STAT4: variants seen among roughly 807,000 people sequenced by gnomAD.
STAT4 encodes the protein signal transducer and activator of transcription 4.
In STAT4, 42 loss-of-function variants were observed where a neutral mutation model predicts 110.5. The ratio of observed to expected loss-of-function variants is 0.38; its 90% confidence interval spans 0.30 to 0.49. STAT4 has a LOEUF of 0.49. Among genes scored for constraint, STAT4 ranks in the 20% least tolerant of loss-of-function variants. STAT4 has a pLI of 0.95. For missense variants in STAT4, 632 were observed against 887.9 expected (o/e 0.71, Z 3.66); for synonymous variants, 284 against 302.2 (o/e 0.94, Z 0.63).
chr2:191,051,667 C>G lies in STAT4; in HGVS notation c.1251+2823G>C, dbSNP rs894160870. On this transcript the variant is annotated intron_variant, in intron 14 of 23. Coordinates refer to ENST00000392320, the MANE Select transcript of STAT4 (RefSeq NM_003151.4). The surrounding 1 kb of genome is among the most constrained non-coding windows in gnomAD (Gnocchi z 5.6). ...GGAGCAGGTGGGTGAGGTGCAGACA[C>G]TCTGTGAGATAGATGGGGTGAGGTG... Among the ~76,000 whole-genome samples the G allele has an allele frequency of 6.6e-6, 1 of 152,172 alleles. No homozygotes were observed. The highest frequency in any genetic ancestry group is 2.4e-5 in the African/African-American group (1 of 41,436).
At chr2:191,048,679 A>T (rs1696423267) in intron 14 of STAT4, among the ~76,000 whole-genome samples, 1 of 149,400 alleles carries the variant, frequency 6.7e-6, no homozygotes, top group East Asian at 2.0e-4. Flanking sequence ...CCAGCTACTC[A>T]GGAGGCTGAG....
At chr2:191,092,792 C>A (rs1221916298) in intron 3 of STAT4, among the ~76,000 whole-genome samples, 1 of 152,154 alleles carries the variant, frequency 6.6e-6, no homozygotes, top group Non-Finnish European at 1.5e-5. Context: ...ACTTTCCTAG[C>A]CAAGGGAAGC....
At chr2:191,034,033 CA>C in intron 18 of STAT4, 28 bp from the exon 19 acceptor site, 2 of 1,429,140 alleles carry the variant, frequency 1.4e-6, no homozygotes, top group Non-Finnish European at 1.9e-6. Flanking sequence ...CACATTAAGA[CA>C]ATGATTATTT....
In STAT4 at chr2:191,150,832, G is replaced by A; in HGVS notation, c.-2+115C>T. ...TTCTATAATAAGCCTCCTCAGGAAG[G>A]TTAAAATGAAGCAATTGTCAAAACG... On this transcript the variant is annotated intron_variant, in intron 1 of 23. Transcript: ENST00000392320. This position sits in a 1 kb window ranked among gnomAD's most constrained non-coding sequence, Gnocchi z 6.4. 2.3e-6 allele frequency: 2 copies of A among 867,232 alleles called. No homozygotes were observed. The highest frequency in any genetic ancestry group is 5.3e-5 in the South Asian group (1 of 18,964). The allele number at this position is 867,232 out of a possible 1,614,324, so 53.7% of individuals were successfully genotyped here.
At chr2:191,105,397 T>C (rs1698251577) in intron 3 of STAT4, among the ~76,000 whole-genome samples, 1 of 152,216 alleles carries the variant, frequency 6.6e-6, no homozygotes, top group African/African-American at 2.4e-5. Flanking sequence ...ACACATACAG[T>C]ATGCAACCTA....
chr2:191,145,140 C>T (rs1373160970), intron 3 of STAT4, among the ~76,000 whole-genome samples: 1 of 152,042 alleles, frequency 6.6e-6, no homozygotes, highest in Non-Finnish European at 1.5e-5. Flanking sequence ...ATATAATACA[C>T]ACACATATTT....
chr2:191,109,312 T>C (rs1436260045), intron 3 of STAT4, among the ~76,000 whole-genome samples: 7 of 152,138 alleles, frequency 4.6e-5, no homozygotes, highest in African/African-American at 1.7e-4. Flanking sequence ...TTTTTTGTTT[T>C]TTTTTTAAAG....
At chr2:191,089,208 A>G (rs1423860487) in intron 3 of STAT4, among the ~76,000 whole-genome samples, 2 of 152,174 alleles carry the variant, frequency 1.3e-5, no homozygotes, top group South Asian at 2.1e-4. Context: ...ATATTTTTAA[A>G]AAGCAAGAAA....
chr2:191,068,223 A>G (rs1574725889), intron 6 of STAT4: 1 of 152,216 alleles, frequency 6.6e-6, no homozygotes, highest in East Asian at 1.9e-4. Context: ...GACTCAAATC[A>G]TAACAAATTA....
intron 3 of STAT4, among the ~76,000 whole-genome samples, chr2:191,103,265 C>T (rs558753991): frequency 1.3e-5 from 2 of 152,110 alleles, no homozygotes; most frequent in Non-Finnish European, 2.9e-5. Context: ...GTAATGTTTT[C>T]GTTAGAGGAA....
rs7423529 is a variant in STAT4 at position 191,138,305 on chromosome 2, T to C, written c.273+8308A>G. Among the ~76,000 whole-genome samples, 96,794 of 151,870 alleles carry C rather than the reference T, an allele frequency of 0.64. 31,062 individuals are homozygous for C. Among genetic ancestry groups the C allele is most frequent in the Admixed American group, 0.69 (10,459 of 15,268 alleles). On this transcript the variant is annotated intron_variant, in intron 3 of 23. Transcript: ENST00000392320. The surrounding 1 kb of genome is among the most constrained non-coding windows in gnomAD (Gnocchi z 4.3). ...AATCAAAACAAAAAAATACAAAAGA[T>C]AAATGAAACAAAAAGCATGTTATTT...
Position 191,031,078 on chromosome 2 carries a change from C to T in STAT4, c.2114G>A (p.Arg705Gln), listed in dbSNP as rs370218298. 49 of 1,613,616 alleles carry T rather than the reference C, an allele frequency of 3.0e-5. No homozygotes were observed. Among genetic ancestry groups the T allele is most frequent in the East Asian group, 8.9e-5 (4 of 44,880 alleles). Residue 705 changes from arginine to glutamine, a missense_variant and splice_region_variant, in exon 23 of 24, where the codon CGA becomes CAA. Arg to Gln is a conservative substitution (Grantham distance 43). Around this residue, in one of 4 missense-constraint regions of STAT4, gnomAD observed 32 missense variants for 67.6 expected, o/e 0.47. Coordinates refer to ENST00000392320, the MANE Select transcript of STAT4 (RefSeq NM_003151.4). This position sits in a 1 kb window ranked among gnomAD's most constrained non-coding sequence, Gnocchi z 4.8. ...AGAATGTGGCTCTGTTGAATCACTTCGGCTTAAAGAGATAACAAGGTCAAT... is the reference window on the plus strand; with the variant it reads ...AGAATGTGGCTCTGTTGAATCACTTTGGCTTAAAGAGATAACAAGGTCAAT... ...PSVFIPISTI[R>Q]SDSTEPHSPS...
chr2:191,125,711 T>C (rs1322769078), intron 3 of STAT4, among the ~76,000 whole-genome samples: 1 of 151,984 alleles, frequency 6.6e-6, no homozygotes, highest in African/African-American at 2.4e-5. Flanking sequence ...CTTGAACTCC[T>C]GGCCTCAAGC....
At chr2:191,040,783 C>A (rs1453111186) in intron 15 of STAT4, among the ~76,000 whole-genome samples, 1 of 152,096 alleles carries the variant, frequency 6.6e-6, no homozygotes, top group Non-Finnish European at 1.5e-5. Context: ...AGGCTGGTCT[C>A]AAATTCCAGG....
intron 6 of STAT4, 85 bp downstream of exon 6, chr2:191,069,608 A>G (rs1316765147): frequency 3.7e-6 from 4 of 1,071,160 alleles, no homozygotes; most frequent in Admixed American, 4.3e-5. Flanking sequence ...AAGTAGATCA[A>G]ATTTATCCAC....
rs1428638433 is a variant in STAT4 at position 191,037,396 on chromosome 2, C to T, written c.1435-1097G>A. On this transcript the variant is annotated intron_variant, in intron 16 of 23. Transcript: ENST00000392320. This position sits in a 1 kb window ranked among gnomAD's most constrained non-coding sequence, Gnocchi z 4.8. ...CTTGAACTCCTGGGTTCAAGAAACTCTCTTGCCTCAACCTCTCAAGTAGCT... is the reference window on the plus strand; with the variant it reads ...CTTGAACTCCTGGGTTCAAGAAACTTTCTTGCCTCAACCTCTCAAGTAGCT... 6.6e-6 allele frequency among the ~76,000 whole-genome samples: 1 copy of T among 152,154 alleles called. No individual in the cohort carries two copies. The highest frequency in any genetic ancestry group is 2.4e-5 in the African/African-American group (1 of 41,428).
At chr2:191,070,493 T>G (rs768116553) in intron 5 of STAT4, among the ~76,000 whole-genome samples, 2 of 152,130 alleles carry the variant, frequency 1.3e-5, no homozygotes, top group Non-Finnish European at 2.9e-5. Flanking sequence ...CAGTGAGAAG[T>G]CTGTGGGAAG....
intron 3 of STAT4, among the ~76,000 whole-genome samples, chr2:191,136,624 TGCCTGTATCCCA>T (rs1699186297): frequency 6.6e-6 from 1 of 152,108 alleles, no homozygotes; most frequent in Non-Finnish European, 1.5e-5. Flanking sequence ...TGGTGGCATG[TGCCTGTATCCCA>T]GCTACTCAGG....
chr2:191,117,842 G>A lies in STAT4; in HGVS notation c.273+28771C>T, dbSNP rs866735975. ...AAATTCCACCTTTGACCTATTCAGT[G>A]AGAATTGGAAATGGGGGCTGGAAAT... On this transcript the variant is annotated intron_variant, in intron 3 of 23. Coordinates refer to ENST00000392320, the MANE Select transcript of STAT4 (RefSeq NM_003151.4). This position sits in a 1 kb window ranked among gnomAD's most constrained non-coding sequence, Gnocchi z 5.2. Among the ~76,000 whole-genome samples the A allele has an allele frequency of 6.7e-6, 1 of 150,026 alleles. No individual in the cohort carries two copies.
Sources: gnomAD v4.1 joint callset for allele counts (sites outside exome capture counted in the v4.1 genomes callset) on GRCh38, gnomAD v4.1.1 for gene constraint, gnomAD v4.1.1 regional missense constraint, Gnocchi (gnomAD v3.1) non-coding constraint, MANE v1.5 for transcripts, NCBI Gene and HGNC (gene_info 2026-07-23, HGNC 2026-07-21) for gene names.